The following UBXN7 variants were observed in gnomAD, a reference collection of about 807,000 sequenced individuals.
The protein encoded by UBXN7 is UBX domain-containing protein 7.
UBXN7 carries 9 observed loss-of-function variants against 58.0 expected under a neutral mutation model. The observed-to-expected ratio is 0.16, with a 90% CI of 0.09 to 0.27. The LOEUF (loss-of-function observed/expected upper bound fraction) is 0.27, where lower values mean the gene tolerates loss of function less well. Among genes scored for constraint, UBXN7 ranks in the 10% least tolerant of loss-of-function variants. The pLI, the probability that UBXN7 is intolerant of heterozygous loss-of-function variation, is 1.00. For missense variants in UBXN7, 328 were observed against 599.6 expected, an observed-to-expected ratio of 0.55 and a Z score of 4.73; for synonymous variants, 208 against 205.0, an observed-to-expected ratio of 1.01 and a Z score of -0.12.
chr3:196,420,951 T>A (rs1730662963), intron 1 of UBXN7, among the ~76,000 whole-genome samples: 1 of 152,142 alleles, frequency 6.6e-6, no homozygotes, highest in South Asian at 2.1e-4. Context: ...TCTATAGAAA[T>A]GATAGGGACA....
chr3:196,427,598 C>A (rs1311326700), intron 1 of UBXN7, among the ~76,000 whole-genome samples: 3 of 152,198 alleles, frequency 2.0e-5, no homozygotes, highest in Non-Finnish European at 4.4e-5. Context: ...GGATTACAGG[C>A]GTGAGCCACC....
At chr3:196,403,602 GA>G (rs889704841) in intron 2 of UBXN7, among the ~76,000 whole-genome samples, 13 of 151,768 alleles carry the variant, frequency 8.6e-5, no homozygotes, top group African/African-American at 2.9e-4. Flanking sequence ...CAGAAAAAAA[GA>G]AAAAAATTTT....
chr3:196,373,362 G>A (rs563528022), intron 5 of UBXN7, among the ~76,000 whole-genome samples: 1 of 152,296 alleles, frequency 6.6e-6, no homozygotes, highest in South Asian at 2.1e-4. Flanking sequence ...CTTTTTGCCT[G>A]TCAGTCCCTT....
In UBXN7 at chr3:196,356,139, A is replaced by AT. The variant is rs1410139567; in HGVS notation, c.*545_*546insA. On this transcript the variant is annotated 3_prime_UTR_variant, in exon 11 of 11. Transcript: ENST00000296328. ...ATTACAAGGGATGCTTTTTCCACGT[A>AT]AACAAAAGCCTGGATATTTTGTTAA... 6.5e-6 allele frequency: 1 copy of AT among 152,736 alleles called. No individual in the cohort carries two copies. The highest frequency in any genetic ancestry group is 2.4e-5 in the African/African-American group (1 of 41,466). 9.5% of individuals were successfully genotyped at this position (152,736 alleles called of 1,614,324 possible).
intron 1 of UBXN7, among the ~76,000 whole-genome samples, chr3:196,411,092 G>A (rs1164706536): frequency 2.0e-5 from 3 of 152,100 alleles, no homozygotes; most frequent in East Asian, 3.9e-4. Flanking sequence ...CTACCTGCCC[G>A]TTCCCATCCC....
At chr3:196,357,583 G>A (rs1450771721) in intron 10 of UBXN7, among the ~76,000 whole-genome samples, 1 of 152,106 alleles carries the variant, frequency 6.6e-6, no homozygotes, top group African/African-American at 2.4e-5. Flanking sequence ...GACCAGCTGG[G>A]GCAACATGGC....
At position 196,351,342 on chromosome 3, in the gene UBXN7, C is replaced by T. The variant is rs1040837103; in HGVS notation, c.*5343G>A. On this transcript the variant is annotated 3_prime_UTR_variant, in exon 11 of 11. Transcript: ENST00000296328. ...TACTCAACACTGATTAGGCACACAG[C>T]ATTAAGTTTTAAAAAATAATGAATT... 1.3e-5 allele frequency: 2 copies of T among 152,078 alleles called. No homozygotes were observed. Among genetic ancestry groups the T allele is most frequent in the Admixed American group, 6.6e-5 (1 of 15,256 alleles). 9.4% of individuals were successfully genotyped at this position (152,078 alleles called of 1,614,324 possible).
chr3:196,362,761 T>C, intron 8 of UBXN7, 74 bp from the exon 9 acceptor site: 1 of 1,496,844 alleles, frequency 6.7e-7, no homozygotes, highest in Non-Finnish European at 8.9e-7. Flanking sequence ...GCATAAGAAA[T>C]ATAATAGCTT....
chr3:196,394,833 C>G lies in UBXN7; in HGVS notation c.290-1214G>C, dbSNP rs545112474. On this transcript the variant is annotated intron_variant, in intron 3 of 10. Coordinates refer to ENST00000296328, the MANE Select transcript of UBXN7 (RefSeq NM_015562.2). The stretch of plus-strand genomic sequence containing the variant: ...GCAGAACCATAAAGACAAAAAACAT[C>G]TTTAATTCTGGAAACTTTTTTCACA... 1.7e-3 allele frequency among the ~76,000 whole-genome samples: 263 copies of G among 152,230 alleles called. 2 individuals carry two copies. Among genetic ancestry groups the G allele is most frequent in the Non-Finnish European group, 3.0e-3 (207 of 67,998 alleles).
intron 7 of UBXN7, among the ~76,000 whole-genome samples, chr3:196,368,993 T>G (rs1577437399): frequency 6.6e-6 from 1 of 152,056 alleles, no homozygotes; most frequent in East Asian, 1.9e-4. Flanking sequence ...CGGCTAATTT[T>G]TTTTGTATTT....
chr3:196,367,304 T>G (rs879656052), intron 8 of UBXN7, among the ~76,000 whole-genome samples: 1 of 152,210 alleles, frequency 6.6e-6, no homozygotes, highest in African/African-American at 2.4e-5. Flanking sequence ...AGTCTCTTAT[T>G]TGCAACCAAT....
At chr3:196,360,954 C>T (rs1728489871) in intron 10 of UBXN7, among the ~76,000 whole-genome samples, 1 of 152,144 alleles carries the variant, frequency 6.6e-6, no homozygotes, top group Non-Finnish European at 1.5e-5. Flanking sequence ...TTACAGTGAG[C>T]TATGACCACT....
At chr3:196,385,276 T>C (rs914775563) in intron 5 of UBXN7, among the ~76,000 whole-genome samples, 9 of 152,242 alleles carry the variant, frequency 5.9e-5, no homozygotes, top group African/African-American at 2.2e-4. Flanking sequence ...GGTGCCGGGA[T>C]TGCAGACGGA....
chr3:196,396,491 G>A (rs1003555741), intron 3 of UBXN7, among the ~76,000 whole-genome samples: 2 of 152,068 alleles, frequency 1.3e-5, no homozygotes, highest in Admixed American at 6.6e-5. Context: ...GGCTGGGCAT[G>A]GTAGCTCACG....
chr3:196,413,215 G>A (rs775323260), intron 1 of UBXN7, among the ~76,000 whole-genome samples: 10 of 152,056 alleles, frequency 6.6e-5, no homozygotes, highest in African/African-American at 9.7e-5. Flanking sequence ...GTGGGCACCC[G>A]TAATCCCAGC....
chr3:196,368,000 C>T (rs1335029369), intron 8 of UBXN7, 28 bp downstream of exon 8: 3 of 1,602,300 alleles, frequency 1.9e-6, no homozygotes, highest in Middle Eastern at 1.7e-4. Context: ...CATTTATTTT[C>T]CCATCACCAC....
At chr3:196,372,977 C>T (rs1231034545) in intron 5 of UBXN7, among the ~76,000 whole-genome samples, 1 of 152,174 alleles carries the variant, frequency 6.6e-6, no homozygotes, top group Admixed American at 6.5e-5. Flanking sequence ...TCTCAAACTC[C>T]TGACCTCAGG....
intron 5 of UBXN7, among the ~76,000 whole-genome samples, chr3:196,381,400 CTG>C (rs1284426248): frequency 6.6e-6 from 1 of 152,184 alleles, no homozygotes; most frequent in Non-Finnish European, 1.5e-5. Context: ...AGGGACCTGA[CTG>C]TTAGAAGGAA....
At chr3:196,372,663 GTTTAAACATC>G (rs1448893715) in intron 5 of UBXN7, among the ~76,000 whole-genome samples, 1 of 151,532 alleles carries the variant, frequency 6.6e-6, no homozygotes, top group Non-Finnish European at 1.5e-5. Flanking sequence ...TTTAATGTAT[GTTTAAACATC>G]TTTACCTGAA....
Sources: allele counts gnomAD v4.1 joint callset (sites outside exome capture counted in the v4.1 genomes callset), GRCh38; gene constraint gnomAD v4.1.1; transcripts MANE v1.5; gene names NCBI Gene and HGNC (gene_info 2026-07-23, HGNC 2026-07-21).